NUBPL: variants seen among roughly 807,000 people sequenced by gnomAD.
The protein encoded by NUBPL is NUBP iron-sulfur cluster assembly factor, mitochondrial, also known as iron-sulfur cluster transfer protein NUBPL.
Under a neutral mutation model 45.7 loss-of-function variants are expected in NUBPL, and 31 were observed. The observed-to-expected ratio is 0.68, with a 90% CI of 0.51 to 0.92. NUBPL has a LOEUF of 0.92. Among genes scored for constraint, NUBPL ranks in the 40% least tolerant of loss-of-function variants. The pLI, the probability that NUBPL is intolerant of heterozygous loss-of-function variation, is 0.00. For synonymous variants in NUBPL, 144 were observed against 140.9 expected, an observed-to-expected ratio of 1.02 and a Z score of -0.15; for missense variants, 401 against 398.7, an observed-to-expected ratio of 1.01 and a Z score of -0.05.
chr14:31,712,985 G>A (rs1387373556), intron 6 of NUBPL, among the ~76,000 whole-genome samples: 1 of 152,178 alleles, frequency 6.6e-6, no homozygotes, highest in African/African-American at 2.4e-5. Flanking sequence ...TTAGGGAGGG[G>A]TAAGGGAGCA....
At chr14:31,727,034 C>T (rs1464767950) in intron 6 of NUBPL, among the ~76,000 whole-genome samples, 2 of 152,098 alleles carry the variant, frequency 1.3e-5, no homozygotes, top group African/African-American at 4.8e-5. Flanking sequence ...AGGGGCAAAT[C>T]AGCTCTTGTT....
chr14:31,647,498 G>T (rs2035887616), intron 4 of NUBPL, among the ~76,000 whole-genome samples: 1 of 152,284 alleles, frequency 6.6e-6, no homozygotes, highest in South Asian at 2.1e-4. Flanking sequence ...AAATGGGGGA[G>T]GTCTCAAATG....
intron 4 of NUBPL, among the ~76,000 whole-genome samples, chr14:31,654,558 G>A (rs59781248): frequency 0.29 from 44,640 of 151,602 alleles, 7,462 homozygotes; most frequent in South Asian, 0.41. Context: ...GCAGGCACCC[G>A]CCACCACACC....
chr14:31,829,666 T>A (rs2040159226), intron 8 of NUBPL, among the ~76,000 whole-genome samples: 1 of 152,188 alleles, frequency 6.6e-6, no homozygotes, highest in Non-Finnish European at 1.5e-5. Context: ...TCTCTGTTTT[T>A]CCCCCATTTG....
At chr14:31,789,950 G>T in intron 7 of NUBPL, among the ~76,000 whole-genome samples, 2 of 145,980 alleles carry the variant, frequency 1.4e-5, no homozygotes, top group African/African-American at 2.5e-5. Context: ...TATAGTTTTA[G>T]GATCTTTTAT....
At chr14:31,658,573 C>T (rs577207512) in intron 4 of NUBPL, among the ~76,000 whole-genome samples, 5 of 150,990 alleles carry the variant, frequency 3.3e-5, no homozygotes, top group East Asian at 3.9e-4. Flanking sequence ...AGTGCAGTGA[C>T]GTGATTTCAG....
chr14:31,593,932 G>C (rs1415216256), intron 3 of NUBPL, among the ~76,000 whole-genome samples: 1 of 152,076 alleles, frequency 6.6e-6, no homozygotes, highest in South Asian at 2.1e-4. Context: ...GAGATGAGGT[G>C]AAAGAGGTAT....
intron 6 of NUBPL, among the ~76,000 whole-genome samples, chr14:31,685,611 T>A (rs1469460321): frequency 1.6e-4 from 24 of 151,970 alleles, no homozygotes; most frequent in Admixed American, 1.6e-3. Flanking sequence ...TTTAAAAAAT[T>A]ATGAAAAAGG....
chr14:31,798,479 T>G (rs1266185683), intron 7 of NUBPL, among the ~76,000 whole-genome samples: 1 of 145,160 alleles, frequency 6.9e-6, no homozygotes, highest in Non-Finnish European at 1.6e-5. Context: ...ATTGTTCCAT[T>G]GTAATACAGT....
chr14:31,561,995 GT>G, intron 1 of NUBPL, 72 bp from the exon 2 acceptor site: 1 of 1,476,752 alleles, frequency 6.8e-7, no homozygotes, highest in Non-Finnish European at 9.2e-7. Flanking sequence ...ACCCCAGATT[GT>G]TTTTGCTTTT....
intron 10 of NUBPL, among the ~76,000 whole-genome samples, chr14:31,851,702 T>G (rs941273444): frequency 6.6e-6 from 1 of 152,036 alleles, no homozygotes; most frequent in Non-Finnish European, 1.5e-5. Flanking sequence ...CTACCATAGC[T>G]GTACTTTATG....
intron 6 of NUBPL, among the ~76,000 whole-genome samples, chr14:31,726,840 A>G (rs1456313549): frequency 3.3e-5 from 5 of 150,108 alleles, no homozygotes; most frequent in Admixed American, 2.6e-4. Context: ...GGGCTTCTCA[A>G]CAGTGGCACT....
At chr14:31,654,628 C>G (rs1221290077) in intron 4 of NUBPL, among the ~76,000 whole-genome samples, 1 of 152,050 alleles carries the variant, frequency 6.6e-6, no homozygotes, top group African/African-American at 2.4e-5. Flanking sequence ...CCAGGATGGT[C>G]TCAATCTCCT....
chr14:31,627,433 A>G (rs564001206), intron 4 of NUBPL, among the ~76,000 whole-genome samples: 1 of 152,124 alleles, frequency 6.6e-6, no homozygotes, highest in South Asian at 2.1e-4. Context: ...ATTATAGCAT[A>G]ATATAGTGCA....
chr14:31,676,238 G>C (rs139063719), intron 6 of NUBPL, among the ~76,000 whole-genome samples: 234 of 152,072 alleles, frequency 1.5e-3, no homozygotes, highest in Non-Finnish European at 2.8e-3. Context: ...GGTTAGGCTG[G>C]TCTTGAACTC....
intron 6 of NUBPL, among the ~76,000 whole-genome samples, chr14:31,676,079 A>G (rs1595477227): frequency 6.6e-6 from 1 of 151,446 alleles, no homozygotes; most frequent in Non-Finnish European, 1.5e-5. Context: ...CTGGAGTGCA[A>G]TAGTGCCATC....
chr14:31,768,613 A>C (rs934959574), intron 6 of NUBPL, among the ~76,000 whole-genome samples: 1 of 152,234 alleles, frequency 6.6e-6, no homozygotes, highest in African/African-American at 2.4e-5. Flanking sequence ...GTGGAAGCAA[A>C]GGCATTTCTC....
At position 31,788,226 on chromosome 14, in the gene NUBPL, CAGTAGTAGCAGCAAGGGTTA is replaced by C. The variant is rs1236280598; in HGVS notation, c.607+365_607+384del. On this transcript the variant is annotated intron_variant, in intron 7 of 10. Coordinates refer to ENST00000281081, the MANE Select transcript of NUBPL (RefSeq NM_025152.3). ...AACAGCAGTAGTAGCAGCAAGGGTT[CAGTAGTAGCAGCAAGGGTTA>C]AGTAGTAGCAGAGACAGTATGCTCT... is the stretch of plus-strand genomic sequence containing the variant. Among the ~76,000 whole-genome samples, 10 of 152,192 alleles carry C rather than the reference CAGTAGTAGCAGCAAGGGTTA, an allele frequency of 6.6e-5. No homozygotes were observed. The East Asian group carries it at 1.4e-3, about 21-fold the overall frequency.
chr14:31,729,369 G>T (rs1000003744), intron 6 of NUBPL, among the ~76,000 whole-genome samples: 1 of 149,576 alleles, frequency 6.7e-6, no homozygotes, highest in African/African-American at 2.4e-5. Flanking sequence ...AATGGGTGTG[G>T]CCCTTAGCAT....
Sources: gnomAD v4.1 joint callset for allele counts (sites outside exome capture counted in the v4.1 genomes callset) on GRCh38, gnomAD v4.1.1 for gene constraint, MANE v1.5 for transcripts, NCBI Gene and HGNC (gene_info 2026-07-23, HGNC 2026-07-21) for gene names.